AK5: variants seen among roughly 807,000 people sequenced by gnomAD.
AK5 encodes the protein adenylate kinase 5.
In AK5, 27 loss-of-function variants were observed where a neutral mutation model predicts 69.5. That is an observed-to-expected ratio of 0.39 (90% confidence interval 0.29 to 0.54). The LOEUF is 0.54. Among genes scored for constraint, AK5 ranks in the 20% least tolerant of loss-of-function variants. The pLI, the probability that AK5 is intolerant of heterozygous loss-of-function variation, is 0.71. For missense variants in AK5, 531 were observed against 700.4 expected (o/e 0.76, Z 2.73); for synonymous variants, 260 against 244.4 (o/e 1.06, Z -0.60).
At chr1:77,455,644 C>T (rs140178311) in intron 8 of AK5, among the ~76,000 whole-genome samples, 16 of 152,220 alleles carry the variant, frequency 1.1e-4, no homozygotes, top group South Asian at 2.1e-4. Flanking sequence ...TTGTAACTCA[C>T]CTAGTCTATG....
rs752481198 is a variant in AK5, at chr1:77,406,704, G to GAAAAAAAA, written c.892-4277_892-4276insAAAAAAAA. Among the ~76,000 whole-genome samples, 590 of 147,586 alleles carry GAAAAAAAA rather than the reference G, an allele frequency of 4.0e-3. 5 individuals are homozygous for GAAAAAAAA. Among genetic ancestry groups the GAAAAAAAA allele is most frequent in the African/African-American group, 0.013 (513 of 39,326 alleles). On this transcript the variant is annotated intron_variant, in intron 6 of 13. Transcript: ENST00000354567. ...ACATGAGGAAATTGCCTGATGCTGA[G>GAAAAAAAA]GAAAAAAAAAAAACATACAAAAGGA...
chr1:77,480,117 CGAGT>C (rs1655167592), intron 8 of AK5, among the ~76,000 whole-genome samples: 1 of 92,160 alleles, frequency 1.1e-5, no homozygotes, highest in Non-Finnish European at 2.2e-5. Context: ...CCATTCACCC[CGAGT>C]GTGTGTGTGT....
chr1:77,413,241 C>T (rs1051609528), intron 7 of AK5, among the ~76,000 whole-genome samples: 4 of 152,102 alleles, frequency 2.6e-5, no homozygotes, highest in African/African-American at 4.8e-5. Context: ...AGGCATTTTC[C>T]ACCTGCTCTT....
At chr1:77,553,989 A>G (rs1017679117) in intron 13 of AK5, among the ~76,000 whole-genome samples, 2 of 152,202 alleles carry the variant, frequency 1.3e-5, no homozygotes, top group Non-Finnish European at 2.9e-5. Context: ...AAAGGAATAC[A>G]GTATTGATAT....
intron 8 of AK5, 173 bp downstream of exon 8, chr1:77,417,888 G>A: frequency 2.0e-6 from 1 of 495,622 alleles, no homozygotes; most frequent in Non-Finnish European, 3.6e-6. Flanking sequence ...ACTAAGTTTG[G>A]CTTTTTGGCA....
intron 6 of AK5, among the ~76,000 whole-genome samples, chr1:77,367,672 TAA>T (rs1491395654): frequency 1.4e-5 from 1 of 70,964 alleles, no homozygotes; most frequent in Non-Finnish European, 2.5e-5. Context: ...ATGTTATATA[TAA>T]TATATATGTT....
At chr1:77,450,085 C>A (rs1357967241) in intron 8 of AK5, among the ~76,000 whole-genome samples, 1 of 152,160 alleles carries the variant, frequency 6.6e-6, no homozygotes, top group African/African-American at 2.4e-5. Flanking sequence ...CTTCCAGTCT[C>A]TGCTAAAACA....
intron 6 of AK5, among the ~76,000 whole-genome samples, chr1:77,368,460 C>G (rs1430600867): frequency 6.6e-6 from 1 of 150,400 alleles, no homozygotes; most frequent in African/African-American, 2.4e-5. Flanking sequence ...GTACATTGAG[C>G]CATGAGAAAG....
At chr1:77,518,368 C>G (rs901601557) in intron 10 of AK5, among the ~76,000 whole-genome samples, 196 bp from the exon 11 acceptor site, 1 of 152,214 alleles carries the variant, frequency 6.6e-6, no homozygotes, top group Non-Finnish European at 1.5e-5. Context: ...ATAATCTAAG[C>G]TCTTTAAAGG....
intron 6 of AK5, among the ~76,000 whole-genome samples, chr1:77,360,442 T>C (rs1462681569): frequency 6.6e-6 from 1 of 152,092 alleles, no homozygotes; most frequent in Non-Finnish European, 1.5e-5. Flanking sequence ...ATCTATTGCT[T>C]GTTTGGTGGA....
At chr1:77,323,578 C>A (rs1005094820) in intron 5 of AK5, among the ~76,000 whole-genome samples, 1 of 152,066 alleles carries the variant, frequency 6.6e-6, no homozygotes, top group Non-Finnish European at 1.5e-5. Context: ...TCGAAATGAA[C>A]GAGCAAATGA....
At chr1:77,379,582 G>A (rs1213453580) in intron 6 of AK5, among the ~76,000 whole-genome samples, 5 of 152,190 alleles carry the variant, frequency 3.3e-5, no homozygotes, top group African/African-American at 7.2e-5. Flanking sequence ...GGGTGAAGGA[G>A]CATGTTCTGT....
chr1:77,290,891 C>T lies in AK5; in HGVS notation c.248-2902C>T, dbSNP rs1021362141. On this transcript the variant is annotated intron_variant, in intron 2 of 13. Transcript: ENST00000354567. ...CTTACAGTCCAGCAGTGAAATCAAG[C>T]AGTAGAAATATAAGCAGGAGCACAA... 3.9e-5 allele frequency among the ~76,000 whole-genome samples: 6 copies of T among 152,074 alleles called. 1 individual carries two copies. Among genetic ancestry groups the T allele is most frequent in the Admixed American group, 2.6e-4 (4 of 15,266 alleles).
intron 8 of AK5, among the ~76,000 whole-genome samples, chr1:77,443,220 G>T (rs1473500861): frequency 6.6e-6 from 1 of 152,124 alleles, no homozygotes; most frequent in African/African-American, 2.4e-5. Flanking sequence ...GAGACTAGAA[G>T]TGTTTGGGAT....
chr1:77,428,422 TA>T (rs1409143677), intron 8 of AK5, among the ~76,000 whole-genome samples: 2 of 152,164 alleles, frequency 1.3e-5, no homozygotes, highest in Non-Finnish European at 2.9e-5. Context: ...GCCCCATCAA[TA>T]AAAGTACTGA....
intron 8 of AK5, among the ~76,000 whole-genome samples, chr1:77,446,896 T>C (rs972840499): frequency 6.6e-6 from 1 of 152,254 alleles, no homozygotes; most frequent in African/African-American, 2.4e-5. Flanking sequence ...CACTGAGTCC[T>C]GTTCCAATAG....
At chr1:77,477,284 T>C (rs1278425033) in intron 8 of AK5, among the ~76,000 whole-genome samples, 2 of 152,178 alleles carry the variant, frequency 1.3e-5, no homozygotes, top group African/African-American at 2.4e-5. Flanking sequence ...CTCCTTGGCC[T>C]TCCAAAGTGC....
chr1:77,378,285 T>A (rs1647373227), intron 6 of AK5, among the ~76,000 whole-genome samples: 1 of 152,238 alleles, frequency 6.6e-6, no homozygotes, highest in Non-Finnish European at 1.5e-5. Context: ...ATGTGATGAC[T>A]TACATTGTAA....
At chr1:77,496,188 G>T (rs929504789) in intron 10 of AK5, among the ~76,000 whole-genome samples, 6 of 152,194 alleles carry the variant, frequency 3.9e-5, no homozygotes, top group African/African-American at 1.4e-4. Flanking sequence ...AATTGGCCAA[G>T]TGCTAACTGG....
Sources: allele counts gnomAD v4.1 joint callset (sites outside exome capture counted in the v4.1 genomes callset), GRCh38; gene constraint gnomAD v4.1.1; transcripts MANE v1.5; gene names NCBI Gene and HGNC (gene_info 2026-07-23, HGNC 2026-07-21).